The following LRRC7 variants were observed in gnomAD, a reference collection of about 807,000 sequenced individuals.
LRRC7 encodes the protein leucine-rich repeat-containing protein 7.
A neutral mutation model predicts 175.7 loss-of-function variants in LRRC7; 23 were observed. The observed-to-expected ratio is 0.13, with a 90% CI of 0.09 to 0.19. The LOEUF (loss-of-function observed/expected upper bound fraction) is 0.19, where lower values mean the gene tolerates loss of function less well. Ranked by LOEUF, LRRC7 falls within the 10% of genes least tolerant of loss-of-function variation. The pLI, the probability that LRRC7 is intolerant of heterozygous loss-of-function variation, is 1.00. For synonymous variants in LRRC7, 685 were observed against 680.9 expected, an observed-to-expected ratio of 1.01 and a Z score of -0.09; for missense variants, 1,354 against 1,904.7, an observed-to-expected ratio of 0.71 and a Z score of 5.38.
At chr1:69,811,093 T>C (rs1361785111) in intron 4 of LRRC7, among the ~76,000 whole-genome samples, 3 of 151,848 alleles carry the variant, frequency 2.0e-5, no homozygotes, top group Non-Finnish European at 4.4e-5. Flanking sequence ...AACAACCCCA[T>C]CAAAATGTGG....
At chr1:69,972,653 C>A (rs1008475128) in intron 8 of LRRC7, among the ~76,000 whole-genome samples, 3 of 151,972 alleles carry the variant, frequency 2.0e-5, no homozygotes, top group African/African-American at 7.2e-5. Context: ...AAGGGAAACG[C>A]TTTTACACTG....
chr1:69,846,797 G>A (rs1035753637), intron 7 of LRRC7, among the ~76,000 whole-genome samples: 1 of 151,882 alleles, frequency 6.6e-6, no homozygotes, highest in Non-Finnish European at 1.5e-5. Flanking sequence ...GTATACACTG[G>A]CACTTAGAAA....
At chr1:70,052,384 A>G (rs995948100) in intron 22 of LRRC7, among the ~76,000 whole-genome samples, 3 of 151,982 alleles carry the variant, frequency 2.0e-5, no homozygotes, top group Non-Finnish European at 2.9e-5. Flanking sequence ...TATCATTTAT[A>G]TAAATAAATA....
intron 8 of LRRC7, among the ~76,000 whole-genome samples, chr1:69,957,831 A>G (rs1314891578): frequency 6.6e-6 from 1 of 151,970 alleles, no homozygotes; most frequent in Non-Finnish European, 1.5e-5. Flanking sequence ...GTTTGCCAAT[A>G]AAAAATAATG....
intron 2 of LRRC7, among the ~76,000 whole-genome samples, chr1:69,696,047 C>A (rs1348213598): frequency 1.3e-5 from 2 of 152,174 alleles, no homozygotes; most frequent in South Asian, 2.1e-4. Context: ...TGGGCCACTG[C>A]CCTCCAGACC....
At chr1:69,952,997 C>G (rs1488331804) in intron 8 of LRRC7, among the ~76,000 whole-genome samples, 2 of 56,964 alleles carry the variant, frequency 3.5e-5, no homozygotes, top group Non-Finnish European at 8.5e-5. Flanking sequence ...AGAGACAAGG[C>G]AAAAAAAAAA....
chr1:69,800,242 C>T (rs955234925), intron 4 of LRRC7, among the ~76,000 whole-genome samples: 5 of 151,896 alleles, frequency 3.3e-5, no homozygotes, highest in South Asian at 2.1e-4. Context: ...TTTAGTTCCA[C>T]GTGAATTTTA....
intron 1 of LRRC7, among the ~76,000 whole-genome samples, chr1:69,655,409 A>G (rs985063502): frequency 1.3e-5 from 2 of 151,778 alleles, no homozygotes; most frequent in African/African-American, 4.8e-5. Context: ...TGTTGTGTGC[A>G]TGTTGTATTC....
intron 2 of LRRC7, among the ~76,000 whole-genome samples, chr1:69,739,687 T>C (rs1216245221): frequency 6.6e-6 from 1 of 152,098 alleles, no homozygotes; most frequent in Non-Finnish European, 1.5e-5. Flanking sequence ...AACTGGACAA[T>C]TTACTGGTTA....
chr1:69,750,096 T>TAAATAAATAAATAAA (rs1669698630), intron 2 of LRRC7, among the ~76,000 whole-genome samples: 1 of 39,386 alleles, frequency 2.5e-5, no homozygotes, highest in African/African-American at 1.0e-4. Context: ...AAATAAATAA[T>TAAATAAATAAATAAA]AATAACTGAA....
At chr1:70,075,989 C>A in intron 23 of LRRC7, 88 bp from the exon 24 acceptor site, 1 of 1,389,694 alleles carries the variant, frequency 7.2e-7, no homozygotes, top group Non-Finnish European at 1.0e-6. Context: ...TGCCGCTTTA[C>A]CAGAGAGGTA....
chr1:70,099,135 G>A (rs1664623351), intron 25 of LRRC7, among the ~76,000 whole-genome samples: 1 of 142,888 alleles, frequency 7.0e-6, no homozygotes, highest in Non-Finnish European at 1.5e-5. Context: ...GATCAAGTGG[G>A]CTTCATCCCT....
intron 1 of LRRC7, among the ~76,000 whole-genome samples, chr1:69,673,420 A>G (rs1470381934): frequency 6.6e-6 from 1 of 152,244 alleles, no homozygotes; most frequent in Non-Finnish European, 1.5e-5. Flanking sequence ...ATGAGTTGTT[A>G]GAGCATCTGT....
intron 1 of LRRC7, among the ~76,000 whole-genome samples, chr1:69,606,447 T>G (rs552115056): frequency 6.6e-6 from 1 of 152,212 alleles, no homozygotes; most frequent in Non-Finnish European, 1.5e-5. Flanking sequence ...TCTTCAAAAA[T>G]CATTCACTCT....
At chr1:69,924,688 G>C (rs1194383780) in intron 7 of LRRC7, among the ~76,000 whole-genome samples, 1 of 152,156 alleles carries the variant, frequency 6.6e-6, no homozygotes, top group African/African-American at 2.4e-5. Flanking sequence ...ATCAGCTTAA[G>C]GAGATTTTGG....
intron 1 of LRRC7, among the ~76,000 whole-genome samples, chr1:69,655,878 G>A (rs12141191): frequency 0.56 from 85,104 of 151,808 alleles, 24,216 homozygotes; most frequent in African/African-American, 0.62. Context: ...GTGGCCCAAT[G>A]TTGTAAATAA....
At chr1:70,118,947 C>A (rs959946065) in intron 26 of LRRC7, among the ~76,000 whole-genome samples, 4 of 151,778 alleles carry the variant, frequency 2.6e-5, no homozygotes, top group African/African-American at 9.7e-5. Flanking sequence ...TGAACTAACA[C>A]CTTGTTTAAA....
At chr1:69,796,824 A>G (rs1675842065) in intron 4 of LRRC7, among the ~76,000 whole-genome samples, 1 of 152,044 alleles carries the variant, frequency 6.6e-6, no homozygotes, top group African/African-American at 2.4e-5. Flanking sequence ...ACAACAACAA[A>G]AAACAGACAT....
rs776804491 is a variant in LRRC7 at position 70,132,525 on chromosome 1, G to A, written c.*10638G>A. Among the ~76,000 whole-genome samples the A allele has an allele frequency of 1.5e-5, 2 of 129,370 alleles. No homozygotes were observed. Among genetic ancestry groups the A allele is most frequent in the Non-Finnish European group, 3.1e-5 (2 of 64,630 alleles). 84.9% of individuals were successfully genotyped at this position (129,370 alleles called of 152,430 possible). ...CTGTCATCAGGCTGGAGGCTGGAGT[G>A]CAGTGGCACGATCTCAGCTTACTGC... On this transcript the variant is annotated 3_prime_UTR_variant, in exon 27 of 27. Transcript: ENST00000651989.
Sources: gnomAD v4.1 joint callset for allele counts (sites outside exome capture counted in the v4.1 genomes callset) on GRCh38, gnomAD v4.1.1 for gene constraint, MANE v1.5 for transcripts, NCBI Gene and HGNC (gene_info 2026-07-23, HGNC 2026-07-21) for gene names.